ZFR: variants seen among roughly 807,000 people sequenced by gnomAD.
ZFR encodes zinc finger RNA binding protein.
ZFR carries 19 observed loss-of-function variants against 130.7 expected under a neutral mutation model. That is an observed-to-expected ratio of 0.15 (90% CI 0.10 to 0.21). ZFR has a LOEUF of 0.21. ZFR is among the 10% of genes least tolerant of loss of function. ZFR has a pLI of 1.00. For missense variants in ZFR, 872 were observed against 1,321.5 expected (o/e 0.66, Z 5.27); for synonymous variants, 466 against 456.9 (o/e 1.02, Z -0.25).
chr5:32,387,409 A>G, intron 14 of ZFR, 140 bp downstream of exon 14: 1 of 873,292 alleles, frequency 1.1e-6, no homozygotes, highest in Non-Finnish European at 1.8e-6. Flanking sequence ...CAGTTTGCAC[A>G]ATCAAACAAA....
At chr5:32,403,775 T>C (rs1753520806) in intron 7 of ZFR, 131 bp downstream of exon 7, 5 of 750,040 alleles carry the variant, frequency 6.7e-6, no homozygotes, top group Middle Eastern at 3.0e-4. Context: ...TATGTATTAT[T>C]AGCACATAAG....
chr5:32,404,068 T>C lies in ZFR; in HGVS notation c.1062A>G (p.Lys354=), dbSNP rs1390977428. The change falls in exon 7 of 20, where the codon AAA becomes AAG. Residue 354 remains lysine, a synonymous_variant. Transcript: ENST00000265069. ...QTYKEHLEGQ[K]HKKKEAALKA... is the part of the protein sequence containing the mutation. ...TCAATGCAGCTTCTTTTTTTTTATG[T>C]TTCTGTCCTTCTAAATGTTCTTTAT... is the stretch of plus-strand genomic sequence containing the variant. 6.2e-7 allele frequency: 1 copy of C among 1,610,528 alleles called. No homozygotes were observed. The highest frequency in any genetic ancestry group is 8.5e-7 in the Non-Finnish European group (1 of 1,179,158).
chr5:32,428,913 C>A (rs1224497655), intron 2 of ZFR, among the ~76,000 whole-genome samples: 1 of 150,350 alleles, frequency 6.7e-6, no homozygotes, highest in African/African-American at 2.4e-5. Context: ...CAACAGCTCA[C>A]AACTTTGGGG....
chr5:32,394,958 T>G (rs572507006), intron 11 of ZFR, among the ~76,000 whole-genome samples: 1 of 152,302 alleles, frequency 6.6e-6, no homozygotes, highest in South Asian at 2.1e-4. Flanking sequence ...ATAACTCTAA[T>G]ACCAAGGCCA....
At chr5:32,422,264 T>C (rs1041576715) in intron 2 of ZFR, among the ~76,000 whole-genome samples, 1 of 152,146 alleles carries the variant, frequency 6.6e-6, no homozygotes, top group Non-Finnish European at 1.5e-5. Flanking sequence ...GGAATGACCA[T>C]ATGTTCTGGT....
rs1209926896 is a variant in ZFR at position 32,406,759 on chromosome 5, A to G, written c.1032+15T>C. ...AACCACTGAAGACTCAAGGTAAAACATACAACGTAAGTACCTGTGGTCCAG... is the reference window on the plus strand; with the variant it reads ...AACCACTGAAGACTCAAGGTAAAACGTACAACGTAAGTACCTGTGGTCCAG... On this transcript the variant is annotated intron_variant, in intron 6 of 19. Transcript: ENST00000265069. The G allele has an allele frequency of 9.4e-6, 15 of 1,600,878 alleles. No individual in the cohort carries two copies. The highest frequency in any genetic ancestry group is 1.3e-5 in the Non-Finnish European group (15 of 1,176,768).
At chr5:32,398,888 A>G (rs1250514700) in intron 9 of ZFR, among the ~76,000 whole-genome samples, 3 of 151,882 alleles carry the variant, frequency 2.0e-5, no homozygotes, top group African/African-American at 4.8e-5. Flanking sequence ...TCGGCCTCCC[A>G]AAGTGCTGCA....
chr5:32,419,298 G>C (rs889381930), intron 3 of ZFR, among the ~76,000 whole-genome samples: 4 of 152,132 alleles, frequency 2.6e-5, no homozygotes, highest in Admixed American at 6.5e-5. Context: ...AAATGGACGG[G>C]GGGTGAGAGG....
chr5:32,418,614 AAAC>A (rs1224130732), intron 3 of ZFR, among the ~76,000 whole-genome samples: 3 of 152,218 alleles, frequency 2.0e-5, no homozygotes, highest in African/African-American at 7.2e-5. Flanking sequence ...ACACTATTAA[AAAC>A]AACAAAATTT....
At chr5:32,441,230 G>A (rs1382630849) in intron 2 of ZFR, among the ~76,000 whole-genome samples, 1 of 152,218 alleles carries the variant, frequency 6.6e-6, no homozygotes, top group Non-Finnish European at 1.5e-5. Flanking sequence ...ACCCGCCTTA[G>A]CCTCCCAATG....
At chr5:32,398,642 C>T (rs1753371709) in intron 9 of ZFR, among the ~76,000 whole-genome samples, 1 of 152,126 alleles carries the variant, frequency 6.6e-6, no homozygotes, top group African/African-American at 2.4e-5. Flanking sequence ...CCCAGCTATC[C>T]ACCTTGTAAA....
intron 11 of ZFR, among the ~76,000 whole-genome samples, chr5:32,393,659 C>T (rs1032585274): frequency 3.3e-5 from 5 of 152,098 alleles, no homozygotes; most frequent in African/African-American, 1.2e-4. Context: ...ATTTTTAATA[C>T]AGTAAGTCTT....
rs1276356070 is a variant in ZFR, at chr5:32,444,340, A to G, written c.38-12T>C. The G allele has an allele frequency of 1.3e-6, 2 of 1,534,874 alleles. No individual in the cohort carries two copies. Among genetic ancestry groups the G allele is most frequent in the South Asian group, 1.2e-5 (1 of 81,954 alleles). ...CAGCCGGCTGGGCACTGCGGCGGGC[A>G]CGAAGAGTCGGGTCCCATGGCGGGA... On this transcript the variant is annotated splice_polypyrimidine_tract_variant and intron_variant, in intron 1 of 19. Transcript: ENST00000265069.
chr5:32,374,635 T>G (rs377710765), intron 17 of ZFR, among the ~76,000 whole-genome samples: 9 of 152,238 alleles, frequency 5.9e-5, no homozygotes, highest in African/African-American at 2.2e-4. Flanking sequence ...ACCCACATTA[T>G]TATTTTGCTC....
intron 14 of ZFR, 133 bp downstream of exon 14, chr5:32,387,416 C>CAA: frequency 1.0e-6 from 1 of 967,526 alleles, no homozygotes; most frequent in Non-Finnish European, 1.5e-6. Flanking sequence ...CACAATCAAA[C>CAA]AAAAAAACTC....
chr5:32,422,748 C>A (rs1373355204), intron 2 of ZFR, among the ~76,000 whole-genome samples: 1 of 120,446 alleles, frequency 8.3e-6, no homozygotes, highest in Non-Finnish European at 1.6e-5. Context: ...TACGGTGAAC[C>A]ATGATTGTGC....
At chr5:32,359,003 T>C (rs1046035507) in intron 19 of ZFR, among the ~76,000 whole-genome samples, 2 of 152,094 alleles carry the variant, frequency 1.3e-5, no homozygotes, top group African/African-American at 4.8e-5. Context: ...GAGCCCAGCC[T>C]GGGAAACATA....
intron 17 of ZFR, among the ~76,000 whole-genome samples, chr5:32,373,666 G>T (rs1265287894): frequency 6.6e-6 from 1 of 152,070 alleles, no homozygotes; most frequent in Non-Finnish European, 1.5e-5. Flanking sequence ...CAATAGAGCT[G>T]ATTTTGAAGA....
chr5:32,397,183 TGTTTTA>T (rs1335750486), intron 10 of ZFR, 30 bp downstream of exon 10: 1 of 1,562,036 alleles, frequency 6.4e-7, no homozygotes, highest in African/African-American at 1.4e-5. Context: ...TTTTGTTTTT[TGTTTTA>T]AAGAAGGTAA....
Sources: gnomAD v4.1 joint callset for allele counts (sites outside exome capture counted in the v4.1 genomes callset) on GRCh38, gnomAD v4.1.1 for gene constraint, MANE v1.5 for transcripts, NCBI Gene and HGNC (gene_info 2026-07-23, HGNC 2026-07-21) for gene names.